RNFT2: variants seen among roughly 807,000 people sequenced by gnomAD.
The protein encoded by RNFT2 is E3 ubiquitin-protein ligase RNFT2.
A neutral mutation model predicts 53.0 loss-of-function variants in RNFT2; 36 were observed. The observed-to-expected ratio is 0.68, with a 90% CI of 0.52 to 0.90. The LOEUF is 0.90. Among genes scored for constraint, RNFT2 ranks in the 40% least tolerant of loss-of-function variants. RNFT2 has a pLI of 0.00. For synonymous variants in RNFT2, 260 were observed against 253.2 expected (o/e 1.03, Z -0.26); for missense variants, 514 against 585.6 (o/e 0.88, Z 1.26).
intron 10 of RNFT2, among the ~76,000 whole-genome samples, chr12:116,845,663 A>T (rs1877575091): frequency 6.6e-6 from 1 of 152,106 alleles, no homozygotes; most frequent in African/African-American, 2.4e-5. Context: ...ACGGGCCATC[A>T]TAGAGGGTAA....
intron 5 of RNFT2, among the ~76,000 whole-genome samples, chr12:116,759,647 C>T (rs993706162): frequency 6.6e-6 from 1 of 152,198 alleles, no homozygotes; most frequent in Admixed American, 6.5e-5. Context: ...GGTCTAGCCA[C>T]CCAGCGAGTC....
chr12:116,753,849 A>AT (rs1198308535), intron 4 of RNFT2, 135 bp from the exon 5 acceptor site: 33 of 650,026 alleles, frequency 5.1e-5, no homozygotes, highest in East Asian at 1.1e-4. Context: ...AAGAAGTGGG[A>AT]TTTTTTTTAT....
chr12:116,848,251 A>G (rs1454560398), intron 10 of RNFT2, among the ~76,000 whole-genome samples: 1 of 152,178 alleles, frequency 6.6e-6, no homozygotes, highest in Non-Finnish European at 1.5e-5. Context: ...TATCATTGAT[A>G]AGCATTTGGG....
At chr12:116,841,153 T>C (rs1376805435) in intron 10 of RNFT2, among the ~76,000 whole-genome samples, 1 of 152,096 alleles carries the variant, frequency 6.6e-6, no homozygotes, top group African/African-American at 2.4e-5. Context: ...TTTTTACGGG[T>C]CAAGAATCCA....
chr12:116,743,808 A>C (rs1399251473), intron 3 of RNFT2, among the ~76,000 whole-genome samples: 1 of 152,104 alleles, frequency 6.6e-6, no homozygotes, highest in African/African-American at 2.4e-5. Context: ...CCTGTTCTGC[A>C]GGGAAGAACA....
intron 7 of RNFT2, among the ~76,000 whole-genome samples, chr12:116,819,361 G>A (rs967144009): frequency 6.6e-6 from 1 of 152,154 alleles, no homozygotes; most frequent in Admixed American, 6.5e-5. Context: ...GGGACGCCCG[G>A]AGGCCAGACC....
rs2137231562 is a variant in RNFT2, at chr12:116,850,511, C to G, written c.*1063C>G. 6.6e-6 allele frequency: 1 copy of G among 152,072 alleles called. No homozygotes were observed. Among genetic ancestry groups the G allele is most frequent in the East Asian group, 1.9e-4 (1 of 5,158 alleles). 9.4% of individuals were successfully genotyped at this position (152,072 alleles called of 1,614,324 possible). A position where few individuals can be genotyped will look rare whatever the true frequency, so the allele number is the denominator to read the frequency against. On this transcript the variant is annotated 3_prime_UTR_variant, in exon 11 of 11. Coordinates refer to ENST00000257575, the MANE Select transcript of RNFT2 (RefSeq NM_001382266.1). ...TTAACTTAGTACCTAGTACCTAGGA[C>G]TTGATGGTGCAGGCTGGGGAGGAGC...
chr12:116,761,524 C>T (rs927634148), intron 5 of RNFT2, among the ~76,000 whole-genome samples: 2 of 152,196 alleles, frequency 1.3e-5, no homozygotes, highest in Non-Finnish European at 2.9e-5. Flanking sequence ...AGAGCTTCAC[C>T]ACCATCCTCC....
chr12:116,847,564 G>A (rs987205918), intron 10 of RNFT2, among the ~76,000 whole-genome samples: 5 of 146,394 alleles, frequency 3.4e-5, no homozygotes, highest in South Asian at 2.1e-4. Flanking sequence ...TTTTGCTCTC[G>A]TTGCCCAGGC....
chr12:116,772,860 G>T (rs1873263113), intron 6 of RNFT2, among the ~76,000 whole-genome samples: 1 of 152,076 alleles, frequency 6.6e-6, no homozygotes, highest in Non-Finnish European at 1.5e-5. Context: ...ACAGAGTCTT[G>T]CTCTGTCGCC....
intron 7 of RNFT2, among the ~76,000 whole-genome samples, chr12:116,799,890 C>G (rs1211599465): frequency 6.6e-6 from 1 of 152,126 alleles, no homozygotes; most frequent in African/African-American, 2.4e-5. Flanking sequence ...AAGTGATTCC[C>G]CATTGTTGGA....
At chr12:116,815,560 A>G (rs1875610831) in intron 7 of RNFT2, among the ~76,000 whole-genome samples, 1 of 151,888 alleles carries the variant, frequency 6.6e-6, no homozygotes, top group African/African-American at 2.4e-5. Flanking sequence ...CTGTTGTCTC[A>G]TTGTCTTCCT....
intron 7 of RNFT2, among the ~76,000 whole-genome samples, chr12:116,790,686 A>G (rs552541385): frequency 6.6e-6 from 1 of 152,324 alleles, no homozygotes; most frequent in South Asian, 2.1e-4. Flanking sequence ...GCTGGGCTCA[A>G]TGGCTCATGC....
At chr12:116,765,615 C>A (rs907031467) in intron 5 of RNFT2, among the ~76,000 whole-genome samples, 1 of 152,140 alleles carries the variant, frequency 6.6e-6, no homozygotes, top group African/African-American at 2.4e-5. Flanking sequence ...GGCAGGAACA[C>A]GCCCCCCTTT....
chr12:116,852,235 G>T lies in RNFT2; in HGVS notation c.*2787G>T. The T allele has an allele frequency of 1.6e-6, 2 of 1,278,572 alleles. No homozygotes were observed. Among genetic ancestry groups the T allele is most frequent in the Non-Finnish European group, 2.0e-6 (2 of 1,008,470 alleles). The allele number at this position is 1,278,572 out of a possible 1,614,324, so 79.2% of individuals were successfully genotyped here. A position where few individuals can be genotyped will look rare whatever the true frequency, so the allele number is the denominator to read the frequency against. On this transcript the variant is annotated 3_prime_UTR_variant, in exon 11 of 11. Coordinates refer to ENST00000257575, the MANE Select transcript of RNFT2 (RefSeq NM_001382266.1). The stretch of plus-strand genomic sequence containing the variant: ...ACAGAGAAAGCAATCTGTGTGGCTA[G>T]TGGGCAGATTACCATGCAAGCCCCA...
intron 4 of RNFT2, among the ~76,000 whole-genome samples, chr12:116,752,186 C>T (rs1872281857): frequency 2.7e-5 from 1 of 36,914 alleles, no homozygotes; most frequent in Non-Finnish European, 6.8e-5. Flanking sequence ...CCTATCTCTA[C>T]TGAAAAAAAA....
intron 7 of RNFT2, among the ~76,000 whole-genome samples, chr12:116,803,502 G>T (rs1001242025): frequency 6.6e-6 from 1 of 152,020 alleles, no homozygotes; most frequent in East Asian, 1.9e-4. Flanking sequence ...AAGCCACTCC[G>T]CTGACCCCAC....
rs143272854 is a variant in RNFT2 at position 116,817,126 on chromosome 12, C to T, written c.883-16666C>T. On this transcript the variant is annotated intron_variant, in intron 7 of 10. Transcript: ENST00000257575. Reference sequence around the variant, plus strand: ...CTTCTGGGTTCAAGCGATTCTCATGCATCAGCTTCCCAAACAGTTGCGTCT... The same window carrying T: ...CTTCTGGGTTCAAGCGATTCTCATGTATCAGCTTCCCAAACAGTTGCGTCT... 1.5e-4 allele frequency among the ~76,000 whole-genome samples: 23 copies of T among 152,334 alleles called. No individual in the cohort carries two copies. The East Asian group carries it at 4.2e-3, about 28-fold the overall frequency.
At position 116,834,002 on chromosome 12, in the gene RNFT2, T is replaced by G. The variant is rs979087244; in HGVS notation, c.1032+61T>G. The G allele has an allele frequency of 1.6e-5, 23 of 1,458,764 alleles. No individual in the cohort carries two copies. The African/African-American group carries it at 3.4e-4, about 21-fold the overall frequency. The allele number at this position is 1,458,764 out of a possible 1,614,324, so 90.4% of individuals were successfully genotyped here. A position where few individuals can be genotyped will look rare whatever the true frequency, so the allele number is the denominator to read the frequency against. ...GAGGGCCCCATTCACTAGTCAGGCC[T>G]CAGGGGGCTCCTGGGCAACCTAGAA... On this transcript the variant is annotated intron_variant, in intron 8 of 10. Coordinates refer to ENST00000257575, the MANE Select transcript of RNFT2 (RefSeq NM_001382266.1).
Sources: gnomAD v4.1 joint callset for allele counts (sites outside exome capture counted in the v4.1 genomes callset) on GRCh38, gnomAD v4.1.1 for gene constraint, MANE v1.5 for transcripts, NCBI Gene and HGNC (gene_info 2026-07-23, HGNC 2026-07-21) for gene names.